The following DLX2 variants were observed in gnomAD, a reference collection of about 807,000 sequenced individuals.
DLX2 encodes the protein distal-less homeobox 2.
Under a neutral mutation model 27.4 loss-of-function variants are expected in DLX2, and 8 were observed. The ratio of observed to expected loss-of-function variants is 0.29; its 90% confidence interval spans 0.17 to 0.53. The LOEUF (loss-of-function observed/expected upper bound fraction) is 0.53, where lower values mean the gene tolerates loss of function less well. DLX2 is among the 20% of genes least tolerant of loss of function. The pLI is 0.96. For missense variants in DLX2, 421 were observed against 450.9 expected (o/e 0.93, Z 0.60); for synonymous variants, 210 against 200.8 (o/e 1.05, Z -0.39).
At position 172,102,348 on chromosome 2, in the gene DLX2, C is replaced by G; in HGVS notation, c.191G>C (p.Ser64Thr). ...PTLPVSTATD[S>T]SYYTNQQHPA... ...GTGCTGCTGGTTGGTGTAGTAGCTG[C>G]TGTCGGTGGCGGTGGACACCGGAAG... The change falls in exon 1 of 3, where the codon AGC becomes ACC. Residue 64 changes from serine (S) to threonine (T), a missense_variant. Transcript: ENST00000234198. The G allele has an allele frequency of 1.9e-6, 3 of 1,588,672 alleles. No individual in the cohort carries two copies. The highest frequency in any genetic ancestry group is 2.6e-6 in the Non-Finnish European group (3 of 1,167,390).
In DLX2 at chr2:172,102,652, G is replaced by A; in HGVS notation, c.-114C>T. On this transcript the variant is annotated 5_prime_UTR_variant, in exon 1 of 3. Coordinates refer to ENST00000234198, the MANE Select transcript of DLX2 (RefSeq NM_004405.4). ...CAATGTAATTACGGGGGTGGTGGTG[G>A]GGAAACAAGAAAGGAGGCAACCGTC... 8.8e-7 allele frequency: 1 copy of A among 1,141,962 alleles called. No individual in the cohort carries two copies. The highest frequency in any genetic ancestry group is 1.7e-5 in the South Asian group (1 of 60,560). The allele number at this position is 1,141,962 out of a possible 1,614,324, so 70.7% of individuals were successfully genotyped here.
Position 172,100,464 on chromosome 2 carries a change from G to A in DLX2, c.*79C>T. ...GAGGTGGGTGGCGGCAGCGGGCCGG[G>A]AGGAGGGAACCCCGGCTCGGGGTAA... On this transcript the variant is annotated 3_prime_UTR_variant, in exon 3 of 3. Transcript: ENST00000234198. The surrounding 1 kb of genome is among the most constrained non-coding windows in gnomAD (Gnocchi z 4.5). The A allele has an allele frequency of 7.0e-7, 1 of 1,438,402 alleles. No homozygotes were observed. Among genetic ancestry groups the A allele is most frequent in the Non-Finnish European group, 9.2e-7 (1 of 1,086,242 alleles). 89.1% of individuals were successfully genotyped at this position (1,438,402 alleles called of 1,614,324 possible).
rs187446993 is a variant in DLX2, at chr2:172,102,885, G to C, written c.-347C>G. On this transcript the variant is annotated 5_prime_UTR_variant, in exon 1 of 3. Transcript: ENST00000234198. ...CGGGAGCAGGTGAGCGGCCCCGAGC[G>C]GCTTTACGATTGTCTGCCAGGCGGG... is the stretch of plus-strand genomic sequence containing the variant. 2,108 of 285,640 alleles carry C rather than the reference G, an allele frequency of 7.4e-3. 47 individuals are homozygous for C. Among genetic ancestry groups the C allele is most frequent in the African/African-American group, 0.045 (2,010 of 45,158 alleles). 17.7% of individuals were successfully genotyped at this position (285,640 alleles called of 1,614,324 possible).
intron 2 of DLX2, 86 bp from the exon 3 acceptor site, chr2:172,101,030 A>G: frequency 1.4e-6 from 2 of 1,460,946 alleles, no homozygotes; most frequent in Non-Finnish European, 1.9e-6. Context: ...GAAGGCAGAG[A>G]AAAACCGCTG....
rs1312092246 is a variant in DLX2, at chr2:172,100,290, C to A, written c.*253G>T. The A allele has an allele frequency of 2.5e-6, 1 of 408,098 alleles. No individual in the cohort carries two copies. The highest frequency in any genetic ancestry group is 4.3e-6 in the Non-Finnish European group (1 of 232,878). The allele number at this position is 408,098 out of a possible 1,614,324, so 25.3% of individuals were successfully genotyped here. On this transcript the variant is annotated 3_prime_UTR_variant, in exon 3 of 3. Coordinates refer to ENST00000234198, the MANE Select transcript of DLX2 (RefSeq NM_004405.4). This position sits in a 1 kb window ranked among gnomAD's most constrained non-coding sequence, Gnocchi z 4.5. ...AAGTCCGAGGCGGGGCTCGAAACAG[C>A]CGAGACCCGGGGCTCAGGTCAGAAA...
At position 172,102,323 on chromosome 2, in the gene DLX2, G is replaced by A. The variant is rs1041620564; in HGVS notation, c.216C>T (p.His72=). 1 of 1,606,794 alleles carries A rather than the reference G, an allele frequency of 6.2e-7. No individual in the cohort carries two copies. Among genetic ancestry groups the A allele is most frequent in the African/African-American group, 1.3e-5 (1 of 74,828 alleles). ...CCCCGCCGCCGCCGCCGCCCGCCGG[G>A]TGCTGCTGGTTGGTGTAGTAGCTGC... The part of the protein sequence containing the change: ...TDSSYYTNQQ[H]PAGGGGGGGS... The change falls in exon 1 of 3, where the codon CAC becomes CAT. Residue 72 remains histidine, a synonymous_variant. Transcript: ENST00000234198.
chr2:172,100,392 A>G lies in DLX2; in HGVS notation c.*151T>C. On this transcript the variant is annotated 3_prime_UTR_variant, in exon 3 of 3. Transcript: ENST00000234198. This position sits in a 1 kb window ranked among gnomAD's most constrained non-coding sequence, Gnocchi z 4.5. ...GAGGGGCCCGTTTGGTGGCCCCGGG[A>G]GTGAGCAGGGCCTGAGACGGGCCAC... 1.3e-6 allele frequency: 1 copy of G among 777,184 alleles called. No individual in the cohort carries two copies. The highest frequency in any genetic ancestry group is 1.9e-6 in the Non-Finnish European group (1 of 539,318). The allele number at this position is 777,184 out of a possible 1,614,324, so 48.1% of individuals were successfully genotyped here.
chr2:172,100,911 A>C lies in DLX2; in HGVS notation c.619T>G (p.Phe207Val). ...TCACCACTTTTCCACATCTTCTTGAACTTGGACCGGCGGTTCTGGAACCAG... is the reference window on the plus strand; with the variant it reads ...TCACCACTTTTCCACATCTTCTTGACCTTGGACCGGCGGTTCTGGAACCAG... ...KIWFQNRRSK[F>V]KKMWKSGEIP... The change falls in exon 3 of 3, where the codon TTC becomes GTC. Residue 207 changes from phenylalanine (F) to valine (V), a missense_variant. Around this residue, in one of 5 missense-constraint regions of DLX2, gnomAD observed 36 missense variants for 73.6 expected, o/e 0.49. Transcript: ENST00000234198. This position sits in a 1 kb window ranked among gnomAD's most constrained non-coding sequence, Gnocchi z 4.5. 1 of 1,612,736 alleles carries C rather than the reference A, an allele frequency of 6.2e-7. No individual in the cohort carries two copies. The highest frequency in any genetic ancestry group is 8.5e-7 in the Non-Finnish European group (1 of 1,179,772).
intron 1 of DLX2, 28 bp downstream of exon 1, chr2:172,102,111 G>C (rs1407742418): frequency 1.2e-6 from 2 of 1,600,752 alleles, no homozygotes; most frequent in Non-Finnish European, 1.7e-6. Flanking sequence ...GACCGACTCG[G>C]CACTCTTGAC....
chr2:172,100,482 C>A lies in DLX2; in HGVS notation c.*61G>T. On this transcript the variant is annotated 3_prime_UTR_variant, in exon 3 of 3. Coordinates refer to ENST00000234198, the MANE Select transcript of DLX2 (RefSeq NM_004405.4). This position sits in a 1 kb window ranked among gnomAD's most constrained non-coding sequence, Gnocchi z 4.5. ...GGGCCGGGAGGAGGGAACCCCGGCT[C>A]GGGGTAAGCAATGAGGATAAGTGGT... is the stretch of plus-strand genomic sequence containing the variant. 8.8e-6 allele frequency: 13 copies of A among 1,470,692 alleles called. No homozygotes were observed. Among genetic ancestry groups the A allele is most frequent in the Non-Finnish European group, 1.2e-5 (13 of 1,112,490 alleles). The allele number at this position is 1,470,692 out of a possible 1,614,324, so 91.1% of individuals were successfully genotyped here. A position where few individuals can be genotyped will look rare whatever the true frequency, so the allele number is the denominator to read the frequency against.
chr2:172,102,292 G>C lies in DLX2; in HGVS notation c.247C>G (p.Pro83Ala), dbSNP rs963693630. Residue 83 changes from proline to alanine, a missense_variant, in exon 1 of 3, where the codon CCC (proline) becomes GCC (alanine). Transcript: ENST00000234198. ...PAGGGGGGGS[P>A]YAHMGSYQYQ... is the part of the protein sequence containing the mutation. ...TGGTAGGAACCCATGTGCGCGTAGG[G>C]CGAGCCCCCGCCGCCGCCGCCGCCC... 1.1e-5 allele frequency: 18 copies of C among 1,609,652 alleles called. No individual in the cohort carries two copies. The Admixed American group carries it at 1.2e-4, about 11-fold the overall frequency.
rs1461217630 is a variant in DLX2 at position 172,099,747 on chromosome 2, C to T, written c.*796G>A. The stretch of plus-strand genomic sequence containing the variant: ...TCAGTGGGAAAATCTGCACAGACAC[C>T]TTTATTTACAAACTCTGTGTCCAAG... On this transcript the variant is annotated 3_prime_UTR_variant, in exon 3 of 3. Transcript: ENST00000234198. 1 of 152,518 alleles carries T rather than the reference C, an allele frequency of 6.6e-6. No homozygotes were observed. The allele number at this position is 152,518 out of a possible 1,614,324, so 9.4% of individuals were successfully genotyped here. A position where few individuals can be genotyped will look rare whatever the true frequency, so the allele number is the denominator to read the frequency against.
rs201510837 is a variant in DLX2, at chr2:172,102,400, GGCTGCT to G, written c.133_138del (p.Ser45_Ser46del). The G allele has an allele frequency of 2.6e-6, 4 of 1,552,248 alleles. No individual in the cohort carries two copies. The highest frequency in any genetic ancestry group is 3.5e-6 in the Non-Finnish European group (4 of 1,148,076). Reference sequence around the variant, plus strand: ...GTGGGCGACTCCTGGGGCTTGTGGAGGCTGCTGCTGCTGCTGCTGTTGCCACCCGGG... The same window carrying G: ...GTGGGCGACTCCTGGGGCTTGTGGAGGCTGCTGCTGCTGTTGCCACCCGGG... On this transcript the variant is annotated inframe_deletion, in exon 1 of 3. Coordinates refer to ENST00000234198, the MANE Select transcript of DLX2 (RefSeq NM_004405.4).
In DLX2 at chr2:172,102,386, C is replaced by T. The variant is rs1233314472; in HGVS notation, c.153G>A (p.Gln51=). The T allele has an allele frequency of 6.4e-7, 1 of 1,558,808 alleles. No homozygotes were observed. ...SSSSSSLHKP[Q]ESPTLPVSTA... ...TGGACACCGGAAGGGTGGGCGACTC[C>T]TGGGGCTTGTGGAGGCTGCTGCTGC... Residue 51 remains glutamine, a synonymous_variant, in exon 1 of 3, where the codon CAG becomes CAA. Coordinates refer to ENST00000234198, the MANE Select transcript of DLX2 (RefSeq NM_004405.4).
In DLX2 at chr2:172,101,617, T is replaced by C. The variant is rs1691158995; in HGVS notation, c.430A>G (p.Ile144Val). 1.2e-6 allele frequency: 2 copies of C among 1,614,192 alleles called. No homozygotes were observed. The highest frequency in any genetic ancestry group is 1.7e-6 in the Non-Finnish European group (2 of 1,180,028). ...ACTTTCTTTGGCTTCCCGTTCACTATCCGAATTTCAGGCTCAAGGTCCTCC... is the reference window on the plus strand; with the variant it reads ...ACTTTCTTTGGCTTCCCGTTCACTACCCGAATTTCAGGCTCAAGGTCCTCC... ...EKEDLEPEIR[I>V]VNGKPKKVRK... The change falls in exon 2 of 3, where the codon ATA becomes GTA. Residue 144 changes from isoleucine to valine, a missense_variant. By Grantham distance (29) the Ile-to-Val change is conservative (BLOSUM62 3). This residue lies in a region of DLX2 where 141 missense variants were observed against 123.5 expected (regional missense o/e 1.14). Transcript: ENST00000234198.
rs768839855 is a variant in DLX2, at chr2:172,100,881, G to A, written c.649C>T (p.Pro217Ser). The A allele has an allele frequency of 6.2e-7, 1 of 1,612,914 alleles. No homozygotes were observed. The highest frequency in any genetic ancestry group is 1.1e-5 in the South Asian group (1 of 91,020). Reference protein sequence around the residue: ...FKKMWKSGEIPSEQHPGASAS... With the variant: ...FKKMWKSGEISSEQHPGASAS... ...CTGGCCCCAGGGTGCTGCTCCGAGG[G>A]GATCTCACCACTTTTCCACATCTTC... The change falls in exon 3 of 3, where the codon CCC becomes TCC. Residue 217 changes from proline to serine, a missense_variant. Physicochemically the swap from Pro to Ser is moderately conservative, Grantham distance 74. This residue lies in a region of DLX2 where 185 missense variants were observed against 171.1 expected (regional missense o/e 1.08). Coordinates refer to ENST00000234198, the MANE Select transcript of DLX2 (RefSeq NM_004405.4). The surrounding 1 kb of genome is among the most constrained non-coding windows in gnomAD (Gnocchi z 4.5).
chr2:172,101,216 C>T, intron 2 of DLX2: 3 of 612,710 alleles, frequency 4.9e-6, no homozygotes, highest in Non-Finnish European at 5.7e-6. Flanking sequence ...GTTATTTCAC[C>T]CGCTTAATCA....
At position 172,100,383 on chromosome 2, in the gene DLX2, G is replaced by T; in HGVS notation, c.*160C>A. On this transcript the variant is annotated 3_prime_UTR_variant, in exon 3 of 3. Transcript: ENST00000234198. This position sits in a 1 kb window ranked among gnomAD's most constrained non-coding sequence, Gnocchi z 4.5. ...CCCCCGAGAGAGGGGCCCGTTTGGT[G>T]GCCCCGGGAGTGAGCAGGGCCTGAG... 1 of 720,392 alleles carries T rather than the reference G, an allele frequency of 1.4e-6. No individual in the cohort carries two copies. Among genetic ancestry groups the T allele is most frequent in the Non-Finnish European group, 2.0e-6 (1 of 489,576 alleles). 44.6% of individuals were successfully genotyped at this position (720,392 alleles called of 1,614,324 possible).
rs765274440 is a variant in DLX2, at chr2:172,102,182, G to A, written c.357C>T (p.Tyr119=). 2 of 1,614,128 alleles carry A rather than the reference G, an allele frequency of 1.2e-6. No individual in the cohort carries two copies. The highest frequency in any genetic ancestry group is 1.1e-5 in the South Asian group (1 of 91,084). Reference sequence around the variant, plus strand: ...GGGACGAACTGGTTCCATAGGGAGCGTAGGAGGTGTAGGCGGCGGTGTAGC... The same window carrying A: ...GGGACGAACTGGTTCCATAGGGAGCATAGGAGGTGTAGGCGGCGGTGTAGC... ...DLGYTAAYTS[Y]APYGTSSSPA... Residue 119 remains tyrosine, a synonymous_variant, in exon 1 of 3, where the codon TAC becomes TAT. Coordinates refer to ENST00000234198, the MANE Select transcript of DLX2 (RefSeq NM_004405.4).
Sources: allele counts gnomAD v4.1 joint callset, GRCh38; gene constraint gnomAD v4.1.1; regional missense constraint gnomAD v4.1.1; non-coding constraint Gnocchi (gnomAD v3.1); transcripts MANE v1.5; gene names NCBI Gene and HGNC (gene_info 2026-07-23, HGNC 2026-07-21).